The following ELAPOR1 variants were observed in gnomAD, a reference collection of about 807,000 sequenced individuals.
ELAPOR1 encodes endosome-lysosome associated apoptosis and autophagy regulator 1, also known as endosome/lysosome-associated apoptosis and autophagy regulator 1.
In ELAPOR1, 77 loss-of-function variants were observed where a neutral mutation model predicts 119.7. The observed-to-expected ratio is 0.64, with a 90% CI of 0.54 to 0.78. ELAPOR1 has a LOEUF of 0.78. Ranked by LOEUF, ELAPOR1 falls within the 30% of genes least tolerant of loss-of-function variation. The probability of loss-of-function intolerance (pLI) is 0.00; values close to 1 mark genes in which losing one functional copy is unlikely to be tolerated. For missense variants in ELAPOR1, 1,115 were observed against 1,270.4 expected (o/e 0.88, Z 1.86); for synonymous variants, 481 against 487.2 (o/e 0.99, Z 0.17).
In ELAPOR1 at chr1:109,205,671, C is replaced by A. The variant is rs1654441311; in HGVS notation, c.*2659C>A. The stretch of plus-strand genomic sequence containing the variant: ...TTTTGTGACAAAGGCCACAGACAGC[C>A]CTTAGACTATTCCGGAAACAGTAGG... On this transcript the variant is annotated 3_prime_UTR_variant, in exon 22 of 22. Transcript: ENST00000369939. The A allele has an allele frequency of 6.6e-6, 1 of 152,130 alleles. No homozygotes were observed. Among genetic ancestry groups the A allele is most frequent in the African/African-American group, 2.4e-5 (1 of 41,424 alleles). The allele number at this position is 152,130 out of a possible 1,614,324, so 9.4% of individuals were successfully genotyped here.
At chr1:109,117,432 C>T (rs550138689) in intron 1 of ELAPOR1, among the ~76,000 whole-genome samples, 1 of 152,286 alleles carries the variant, frequency 6.6e-6, no homozygotes, top group South Asian at 2.1e-4. Context: ...TCCTGAGGCT[C>T]CAGGGCTAAT....
At chr1:109,128,806 A>G (rs1250193083) in intron 1 of ELAPOR1, among the ~76,000 whole-genome samples, 1 of 152,236 alleles carries the variant, frequency 6.6e-6, no homozygotes, top group Admixed American at 6.5e-5. Context: ...CCAGAGCCCA[A>G]GTGGATCTAA....
At position 109,191,633 on chromosome 1, in the gene ELAPOR1, A is replaced by G. The variant is rs1319867334; in HGVS notation, c.1546-93A>G. The G allele has an allele frequency of 1.9e-6, 3 of 1,544,348 alleles. No homozygotes were observed. The East Asian group carries it at 6.7e-5, about 35-fold the overall frequency. Reference sequence around the variant, plus strand: ...GACTTCACAGTTTAACAAGGGTCTCACCAACCGTGATGGCACCTGGGATGG... The same window carrying G: ...GACTTCACAGTTTAACAAGGGTCTCGCCAACCGTGATGGCACCTGGGATGG... On this transcript the variant is annotated intron_variant, in intron 12 of 21. Transcript: ENST00000369939.
rs776748066 is a variant in ELAPOR1 at position 109,185,082 on chromosome 1, C to A, written c.990C>A (p.Cys330Ter). 1.2e-6 allele frequency: 2 copies of A among 1,614,152 alleles called. No homozygotes were observed. Among genetic ancestry groups the A allele is most frequent in the Non-Finnish European group, 1.7e-6 (2 of 1,179,998 alleles). Residue 330 changes from cysteine to a stop codon, truncating the protein, a stop_gained, in exon 8 of 22, where the codon TGC (cysteine) becomes TGA (stop). Coordinates refer to ENST00000369939, the MANE Select transcript of ELAPOR1 (RefSeq NM_020775.5). LOFTEE classifies it high-confidence loss of function. ...CTTCCTGTAACGTGCGCCCAGCTTG[C>A]ACAGACAAAGATTATTTCTACACAC... is the stretch of plus-strand genomic sequence containing the variant. ...GSSSCNVRPA[C>*]TDKDYFYTHT...
intron 3 of ELAPOR1, among the ~76,000 whole-genome samples, chr1:109,167,433 T>A (rs1651667780): frequency 6.6e-6 from 1 of 152,100 alleles, no homozygotes; most frequent in Non-Finnish European, 1.5e-5. Flanking sequence ...TTCCCCATCA[T>A]CCCTCAGAAA....
chr1:109,193,411 G>A (rs923612885), intron 14 of ELAPOR1, among the ~76,000 whole-genome samples: 1 of 152,246 alleles, frequency 6.6e-6, no homozygotes, highest in Admixed American at 6.5e-5. Context: ...CAACACTTTA[G>A]GGGGCTGAGG....
rs867252959 is a variant in ELAPOR1, at chr1:109,177,301, G to T, written c.952+3464G>T. On this transcript the variant is annotated intron_variant, in intron 7 of 21. Coordinates refer to ENST00000369939, the MANE Select transcript of ELAPOR1 (RefSeq NM_020775.5). ...CAGAGACGCTCCTCACTTCCCAGACGGGGTGGCTGCTGGGCGGAGGGGCTC... is the reference window on the plus strand; with the variant it reads ...CAGAGACGCTCCTCACTTCCCAGACTGGGTGGCTGCTGGGCGGAGGGGCTC... Among the ~76,000 whole-genome samples the T allele has an allele frequency of 9.6e-3, 1,372 of 143,356 alleles. 29 individuals are homozygous for T. The highest frequency in any genetic ancestry group is 0.035 in the African/African-American group (1,247 of 36,082). 94.0% of individuals were successfully genotyped at this position (143,356 alleles called of 152,430 possible). A position where few individuals can be genotyped will look rare whatever the true frequency, so the allele number is the denominator to read the frequency against.
chr1:109,176,020 G>T (rs1367722132), intron 7 of ELAPOR1, among the ~76,000 whole-genome samples: 1 of 152,082 alleles, frequency 6.6e-6, no homozygotes, highest in African/African-American at 2.4e-5. Flanking sequence ...CAACCTGAGA[G>T]CATTCATTGA....
intron 7 of ELAPOR1, among the ~76,000 whole-genome samples, chr1:109,178,751 G>C (rs1052357293): frequency 6.6e-6 from 1 of 152,148 alleles, no homozygotes; most frequent in East Asian, 1.9e-4. Context: ...GATCACCTGA[G>C]GTCAGGAGTT....
chr1:109,147,810 TTTATTA>T (rs559089756), intron 1 of ELAPOR1, among the ~76,000 whole-genome samples: 6 of 150,938 alleles, frequency 4.0e-5, no homozygotes, highest in African/African-American at 1.5e-4. Context: ...TTTACTTTAT[TTTATTA>T]TTATTATTAT....
At chr1:109,166,003 C>T (rs1272919013) in intron 3 of ELAPOR1, among the ~76,000 whole-genome samples, 2 of 151,976 alleles carry the variant, frequency 1.3e-5, no homozygotes, top group Non-Finnish European at 2.9e-5. Context: ...GCAAGCTCTG[C>T]CTCCCGGGTT....
chr1:109,174,807 C>T (rs796823270), intron 7 of ELAPOR1, among the ~76,000 whole-genome samples: 103 of 152,108 alleles, frequency 6.8e-4, no homozygotes, highest in African/African-American at 2.4e-3. Flanking sequence ...ACTCTGCCTC[C>T]CAGGTTCATG....
At chr1:109,126,937 G>T (rs538601125) in intron 1 of ELAPOR1, among the ~76,000 whole-genome samples, 54 of 152,308 alleles carry the variant, frequency 3.5e-4, no homozygotes, top group Admixed American at 1.4e-3. Context: ...CAAGCTGCCA[G>T]CTTGTCCGGA....
chr1:109,146,549 CT>C (rs1020931132), intron 1 of ELAPOR1, among the ~76,000 whole-genome samples: 1 of 152,148 alleles, frequency 6.6e-6, no homozygotes, highest in Non-Finnish European at 1.5e-5. Flanking sequence ...ATGGAATCTA[CT>C]TTTGTTTTTT....
chr1:109,139,343 AAAATAAAAAT>A (rs1649684543), intron 1 of ELAPOR1, among the ~76,000 whole-genome samples: 3 of 152,260 alleles, frequency 2.0e-5, no homozygotes, highest in South Asian at 4.1e-4. Flanking sequence ...CTCATCTCAA[AAAATAAAAAT>A]AAATAAAAAT....
Position 109,183,572 on chromosome 1 carries a change from C to CCTTT in ELAPOR1, c.953-1470_953-1469insTCTT, listed in dbSNP as rs1558058021. On this transcript the variant is annotated intron_variant, in intron 7 of 21. Coordinates refer to ENST00000369939, the MANE Select transcript of ELAPOR1 (RefSeq NM_020775.5). ...CTTTTCCTTCCTTCCTTCCTTCCTT[C>CCTTT]CTTCCTTCCTTCCTTCCTTCCTTCC... is the stretch of plus-strand genomic sequence containing the variant. Among the ~76,000 whole-genome samples, 112 of 44,414 alleles carry CCTTT rather than the reference C, an allele frequency of 2.5e-3. 10 individuals are homozygous for CCTTT. The Middle Eastern group carries it at 0.12, about 50-fold the overall frequency. The allele number at this position is 44,414 out of a possible 152,430, so 29.1% of individuals were successfully genotyped here.
Position 109,189,153 on chromosome 1 carries a change from C to T in ELAPOR1, c.1307C>T (p.Thr436Ile). ...WNTLPTNMET[T>I]VLSGINFEYK... ...ACGCTGCCCACAAACATGGAAACGA[C>T]CGTTCTCAGTGGGATCAACTTCGAG... Residue 436 changes from threonine to isoleucine, a missense_variant, in exon 10 of 22, where the codon ACC (threonine) becomes ATC (isoleucine). Thr to Ile is a moderately conservative substitution (Grantham distance 89). Coordinates refer to ENST00000369939, the MANE Select transcript of ELAPOR1 (RefSeq NM_020775.5). 3 of 1,614,168 alleles carry T rather than the reference C, an allele frequency of 1.9e-6. No homozygotes were observed. Among genetic ancestry groups the T allele is most frequent in the Non-Finnish European group, 2.5e-6 (3 of 1,180,028 alleles).
chr1:109,157,956 C>G (rs180713371), intron 1 of ELAPOR1, among the ~76,000 whole-genome samples: 168 of 152,284 alleles, frequency 1.1e-3, no homozygotes, highest in African/African-American at 3.6e-3. Flanking sequence ...GGTACAATCA[C>G]GGCTCACTGC....
At chr1:109,178,011 CT>C (rs61317397) in intron 7 of ELAPOR1, among the ~76,000 whole-genome samples, 131 of 135,688 alleles carry the variant, frequency 9.7e-4, no homozygotes, top group Non-Finnish European at 1.1e-3. Context: ...TTTTTTCTTT[CT>C]TTTTTTTTTT....
Sources: allele counts gnomAD v4.1 joint callset (sites outside exome capture counted in the v4.1 genomes callset), GRCh38; gene constraint gnomAD v4.1.1; transcripts MANE v1.5; gene names NCBI Gene and HGNC (gene_info 2026-07-23, HGNC 2026-07-21).